The following DAD1 variants were observed in gnomAD, a reference collection of about 807,000 sequenced individuals.
The protein encoded by DAD1 is defender against cell death 1, also known as dolichyl-diphosphooligosaccharide--protein glycosyltransferase subunit DAD1.
In DAD1, 4 loss-of-function variants were observed where a neutral mutation model predicts 9.0. The observed-to-expected ratio is 0.44, with a 90% confidence interval of 0.22 to 1.01. The LOEUF is 1.01. Ranked by LOEUF, DAD1 falls within the 50% of genes least tolerant of loss-of-function variation. The pLI, the probability that DAD1 is intolerant of heterozygous loss-of-function variation, is 0.24. For synonymous variants in DAD1, 60 were observed against 62.5 expected, an observed-to-expected ratio of 0.96 and a Z score of 0.19; for missense variants, 119 against 137.3, an observed-to-expected ratio of 0.87 and a Z score of 0.67.
intron 2 of DAD1, among the ~76,000 whole-genome samples, chr14:22,572,543 T>C (rs2037048429): frequency 6.6e-6 from 1 of 152,184 alleles, no homozygotes; most frequent in African/African-American, 2.4e-5. Context: ...TTTGCTATGC[T>C]TTGGGCCCAT....
At chr14:22,586,115 A>C (rs1445531381) in intron 1 of DAD1, among the ~76,000 whole-genome samples, 1 of 151,842 alleles carries the variant, frequency 6.6e-6, no homozygotes, top group African/African-American at 2.4e-5. Context: ...CTGAGGCAGG[A>C]GAATGGCGTG....
At position 22,576,949 on chromosome 14, in the gene DAD1, T is replaced by C. The variant is rs76107487; in HGVS notation, c.212-1716A>G. Among the ~76,000 whole-genome samples the C allele has an allele frequency of 7.9e-4, 120 of 152,284 alleles. 1 individual carries two copies. Among genetic ancestry groups the C allele is most frequent in the African/African-American group, 2.6e-3 (108 of 41,572 alleles). On this transcript the variant is annotated intron_variant, in intron 1 of 2. Transcript: ENST00000250498. ...ATCACCTCACATCTATTAGGATGTCTAGTATCAAAAAAACAAGAGTTGGCA... is the reference window on the plus strand; with the variant it reads ...ATCACCTCACATCTATTAGGATGTCCAGTATCAAAAAAACAAGAGTTGGCA...
At chr14:22,577,436 G>A (rs896719504) in intron 1 of DAD1, among the ~76,000 whole-genome samples, 4 of 152,134 alleles carry the variant, frequency 2.6e-5, no homozygotes, top group Non-Finnish European at 5.9e-5. Context: ...CTCCATCTGG[G>A]AGGTTGGGAG....
chr14:22,575,200 T>G lies in DAD1; in HGVS notation c.245A>C (p.Lys82Thr), dbSNP rs759163956. The stretch of plus-strand genomic sequence containing the variant: ...TGGGGAGATGCCTTGGAAATCCGCT[T>G]TGTTCTGTGGGTTGATCTGTATTCT... ...CLRIQINPQN[K>T]ADFQGISPER... The change falls in exon 2 of 3, where the codon AAA (lysine) becomes ACA (threonine). Residue 82 changes from lysine to threonine, a missense_variant. By Grantham distance (78) the Lys-to-Thr change is moderately conservative. Coordinates refer to ENST00000250498, the MANE Select transcript of DAD1 (RefSeq NM_001344.4). The G allele has an allele frequency of 6.2e-7, 1 of 1,614,078 alleles. No individual in the cohort carries two copies. Among genetic ancestry groups the G allele is most frequent in the African/African-American group, 1.3e-5 (1 of 74,932 alleles).
intron 1 of DAD1, 49 bp from the exon 2 acceptor site, chr14:22,575,282 T>C (rs2139240506): frequency 1.3e-6 from 2 of 1,591,922 alleles, no homozygotes; most frequent in East Asian, 2.3e-5. Context: ...AAGTATAAAA[T>C]AAATATGCTA....
In DAD1 at chr14:22,589,021, A is replaced by C. The variant is rs142478258; in HGVS notation, c.137T>G (p.Leu46Arg). Reference protein sequence around the residue: ...LTGALQFGYCLLVGTFPFNSF... With the variant: ...LTGALQFGYCRLVGTFPFNSF... ...GTTGAAGGGGAAGGTCCCCACGAGG[A>C]GACAGTAACCGAACTGCAGCGCCCC... is the stretch of plus-strand genomic sequence containing the variant. The change falls in exon 1 of 3, where the codon CTC (leucine) becomes CGC (arginine). Residue 46 changes from leucine (L) to arginine (R), a missense_variant. Physicochemically the swap from Leu to Arg is moderately radical, Grantham distance 102 (BLOSUM62 -2). Coordinates refer to ENST00000250498, the MANE Select transcript of DAD1 (RefSeq NM_001344.4). 4 of 1,614,128 alleles carry C rather than the reference A, an allele frequency of 2.5e-6. No homozygotes were observed. In the African/African-American group the frequency reaches 5.3e-5, roughly 22 times the overall value.
chr14:22,587,742 T>G (rs1182111413), intron 1 of DAD1, among the ~76,000 whole-genome samples: 1 of 120,376 alleles, frequency 8.3e-6, no homozygotes, highest in African/African-American at 3.8e-5. Context: ...GTCACCAGAC[T>G]TTTTTTTTTT....
chr14:22,587,796 TG>T (rs1378724644), intron 1 of DAD1, among the ~76,000 whole-genome samples: 1 of 150,396 alleles, frequency 6.6e-6, no homozygotes, highest in African/African-American at 2.5e-5. Context: ...TGAAGTGCAA[TG>T]GCACGATCTC....
intron 2 of DAD1, among the ~76,000 whole-genome samples, chr14:22,574,772 T>G (rs1426887273): frequency 1.3e-5 from 2 of 149,314 alleles, no homozygotes; most frequent in African/African-American, 5.1e-5. Flanking sequence ...TTCCAAAATC[T>G]CCGAGTTATT....
At chr14:22,569,949 C>T (rs1197320667) in intron 2 of DAD1, among the ~76,000 whole-genome samples, 2 of 152,038 alleles carry the variant, frequency 1.3e-5, no homozygotes, top group African/African-American at 2.4e-5. Flanking sequence ...GCTTGGGCAA[C>T]GTAGCGAGAC....
intron 2 of DAD1, 101 bp downstream of exon 2, chr14:22,574,958 T>C (rs1272309292): frequency 2.2e-5 from 21 of 954,970 alleles, no homozygotes; most frequent in African/African-American, 3.3e-5. Flanking sequence ...CAAATGTCAA[T>C]AGCAGTATGG....
chr14:22,568,131 ACTTATTAG>A (rs2037013404), intron 2 of DAD1, among the ~76,000 whole-genome samples: 1 of 152,164 alleles, frequency 6.6e-6, no homozygotes, highest in Non-Finnish European at 1.5e-5. Context: ...CCCCTCAGTC[ACTTATTAG>A]TTCCAGGGCC....
intron 2 of DAD1, among the ~76,000 whole-genome samples, chr14:22,569,793 T>C (rs961605742): frequency 3.3e-5 from 5 of 152,188 alleles, no homozygotes; most frequent in South Asian, 4.1e-4. Context: ...CAATTAGCAC[T>C]TTTTAGCAAA....
Position 22,589,138 on chromosome 14 carries a change from GAC to G in DAD1, c.18_19del (p.Ser7CysfsTer89). ...CTCTTCTAAGAACCGCGAAATGACA[GAC>G]ACTACCGACGCCGACATAACTGCAC... On this transcript the variant is annotated frameshift_variant, in exon 1 of 3. Transcript: ENST00000250498. LOFTEE classifies it high-confidence loss of function. The G allele has an allele frequency of 6.2e-7, 1 of 1,614,214 alleles. No homozygotes were observed. Among genetic ancestry groups the G allele is most frequent in the South Asian group, 1.1e-5 (1 of 91,080 alleles).
At chr14:22,571,008 A>T (rs1469771517) in intron 2 of DAD1, among the ~76,000 whole-genome samples, 7 of 145,760 alleles carry the variant, frequency 4.8e-5, no homozygotes, top group African/African-American at 1.0e-4. Flanking sequence ...ATGGACTGAG[A>T]TTTTTTTTTT....
chr14:22,580,544 T>A (rs971334576), intron 1 of DAD1, among the ~76,000 whole-genome samples: 1 of 151,770 alleles, frequency 6.6e-6, no homozygotes, highest in Non-Finnish European at 1.5e-5. Flanking sequence ...GTCATTGGAG[T>A]AAAGAACACG....
rs527288800 is a variant in DAD1 at position 22,579,054 on chromosome 14, G to A, written c.212-3821C>T. On this transcript the variant is annotated intron_variant, in intron 1 of 2. Coordinates refer to ENST00000250498, the MANE Select transcript of DAD1 (RefSeq NM_001344.4). ...GTAGCAGAGTTTATAAAGATAGCACGCTCATTCTTGAGAACCTCACAGTTC... is the reference window on the plus strand; with the variant it reads ...GTAGCAGAGTTTATAAAGATAGCACACTCATTCTTGAGAACCTCACAGTTC... Among the ~76,000 whole-genome samples, 7 of 152,182 alleles carry A rather than the reference G, an allele frequency of 4.6e-5. 1 individual carries two copies. In the South Asian group the frequency reaches 6.2e-4, roughly 14 times the overall value.
intron 2 of DAD1, 114 bp downstream of exon 2, chr14:22,574,945 C>G: frequency 2.4e-6 from 2 of 835,912 alleles, no homozygotes; most frequent in Non-Finnish European, 1.8e-6. Context: ...ATGGAAAATT[C>G]TGCAAATGTC....
rs939367570 is a variant in DAD1 at position 22,571,188 on chromosome 14, C to A, written c.*44+3871G>T. Among the ~76,000 whole-genome samples, 4 of 150,706 alleles carry A rather than the reference C, an allele frequency of 2.7e-5. No homozygotes were observed. The East Asian group carries it at 5.8e-4, about 22-fold the overall frequency. Reference sequence around the variant, plus strand: ...AATACAAAAACTAGCCGGGCAAGTGCCTGTAGTCCCAGCTACTCGGGGAGG... The same window carrying A: ...AATACAAAAACTAGCCGGGCAAGTGACTGTAGTCCCAGCTACTCGGGGAGG... On this transcript the variant is annotated intron_variant, in intron 2 of 2. Transcript: ENST00000250498.
Sources: allele counts gnomAD v4.1 joint callset (sites outside exome capture counted in the v4.1 genomes callset), GRCh38; gene constraint gnomAD v4.1.1; transcripts MANE v1.5; gene names NCBI Gene and HGNC (gene_info 2026-07-23, HGNC 2026-07-21).